Variants in LLGL1 observed in about 807,000 individuals in gnomAD.
The protein encoded by LLGL1 is lethal(2) giant larvae protein homolog 1.
A neutral mutation model predicts 110.6 loss-of-function variants in LLGL1; 58 were observed. The ratio of observed to expected loss-of-function variants is 0.52; its 90% CI spans 0.42 to 0.65. The LOEUF is 0.65. LLGL1 is among the 30% of genes least tolerant of loss of function. The pLI is 0.00. For missense variants in LLGL1, 1,229 were observed against 1,462.1 expected (o/e 0.84, Z 2.60); for synonymous variants, 674 against 607.2 (o/e 1.11, Z -1.62).
At chr17:18,228,328 G>A (rs937432211) in intron 1 of LLGL1, among the ~76,000 whole-genome samples, 3 of 152,194 alleles carry the variant, frequency 2.0e-5, no homozygotes, top group East Asian at 1.9e-4. Context: ...GAGGAAGTGC[G>A]TTCCAGGCAG....
intron 1 of LLGL1, among the ~76,000 whole-genome samples, chr17:18,229,200 G>A (rs1210252008): frequency 1.3e-5 from 2 of 152,112 alleles, no homozygotes; most frequent in African/African-American, 2.4e-5. Flanking sequence ...CAGAAAGGGT[G>A]TGCTGTGAAA....
intron 11 of LLGL1, 51 bp from the exon 12 acceptor site, chr17:18,236,556 G>C (rs540162098): frequency 6.4e-7 from 1 of 1,561,058 alleles, no homozygotes; most frequent in African/African-American, 1.3e-5. Flanking sequence ...ATGGAGGGGC[G>C]TGCAGGCCTC....
At position 18,240,632 on chromosome 17, in the gene LLGL1, C is replaced by T. The variant is rs376499580; in HGVS notation, c.2261C>T (p.Ala754Val). 4.3e-6 allele frequency: 7 copies of T among 1,612,580 alleles called. No individual in the cohort carries two copies. Among genetic ancestry groups the T allele is most frequent in the Non-Finnish European group, 5.1e-6 (6 of 1,179,600 alleles). Residue 754 changes from alanine (A) to valine (V), a missense_variant, in exon 17 of 23, where the codon GCC becomes GTC. Physicochemically the swap from Ala to Val is moderately conservative, Grantham distance 64. Transcript: ENST00000316843. This position sits in a 1 kb window ranked among gnomAD's most constrained non-coding sequence, Gnocchi z 5.3. ...GGCACCAACTCAGGCTCTGTGTTCG[C>T]CTATGCACTGGAGGTGCCGGCAGCA... Reference protein sequence around the residue: ...WAGTNSGSVFAYALEVPAAAV... With the variant: ...WAGTNSGSVFVYALEVPAAAV...
In LLGL1 at chr17:18,229,923, G is replaced by A. The variant is rs755402220; in HGVS notation, c.82-18G>A. The A allele has an allele frequency of 1.9e-6, 3 of 1,583,706 alleles. No individual in the cohort carries two copies. The highest frequency in any genetic ancestry group is 2.6e-6 in the Non-Finnish European group (3 of 1,163,534). ...TGCCTGGGAGTGCTTACCCCCAGCA[G>A]CCCTCCCCTCCTTGCAGACTGTGGA... On this transcript the variant is annotated intron_variant, in intron 1 of 22. Transcript: ENST00000316843.
In LLGL1 at chr17:18,235,098, A is replaced by AC; in HGVS notation, c.1075dup (p.Gln359ProfsTer95). ...TCCCTCCGTCCCACAGAATTTGATG[A>AC]CCCCCAGGCCCTGGCTGTGCTGCTG... On this transcript the variant is annotated frameshift_variant, in exon 10 of 23. Coordinates refer to ENST00000316843, the MANE Select transcript of LLGL1 (RefSeq NM_004140.4). LOFTEE classifies it high-confidence loss of function. 6.2e-7 allele frequency: 1 copy of AC among 1,613,082 alleles called. No individual in the cohort carries two copies. The highest frequency in any genetic ancestry group is 8.5e-7 in the Non-Finnish European group (1 of 1,179,844).
chr17:18,227,801 C>G (rs748371169), intron 1 of LLGL1, among the ~76,000 whole-genome samples: 15 of 152,148 alleles, frequency 9.9e-5, no homozygotes, highest in Non-Finnish European at 2.2e-4. Context: ...AAAGTAAGGG[C>G]CCTCCGCTGA....
At position 18,241,573 on chromosome 17, in the gene LLGL1, G is replaced by C; in HGVS notation, c.2625G>C (p.Glu875Asp). The change falls in exon 18 of 23, where the codon GAG (glutamate) becomes GAC (aspartate). Residue 875 changes from glutamate to aspartate, a missense_variant. Glu to Asp is a conservative substitution (Grantham distance 45, BLOSUM62 2). Coordinates refer to ENST00000316843, the MANE Select transcript of LLGL1 (RefSeq NM_004140.4). ...FASVACEDYA[E>D]TCLACLTNLG... ...GTGTGGCCTGCGAGGACTATGCTGA[G>C]ACCTGCCTGGCCTGCCTCACCAACC... 1 of 1,613,794 alleles carries C rather than the reference G, an allele frequency of 6.2e-7. No homozygotes were observed. Among genetic ancestry groups the C allele is most frequent in the Non-Finnish European group, 8.5e-7 (1 of 1,180,014 alleles).
rs571150356 is a variant in LLGL1 at position 18,235,877 on chromosome 17, G to A, written c.1352+340G>A. 39 of 307,840 alleles carry A rather than the reference G, an allele frequency of 1.3e-4. 1 individual carries two copies. The South Asian group carries it at 1.4e-3, about 11-fold the overall frequency. 19.1% of individuals were successfully genotyped at this position (307,840 alleles called of 1,614,324 possible). The stretch of plus-strand genomic sequence containing the variant: ...CAGCGTGGGCCTGGCGGGCGCTGAC[G>A]TGCCCAGTGACTCAGGTCTCAACTT... On this transcript the variant is annotated intron_variant, in intron 11 of 22. Coordinates refer to ENST00000316843, the MANE Select transcript of LLGL1 (RefSeq NM_004140.4).
At position 18,241,936 on chromosome 17, in the gene LLGL1, G is replaced by A. The variant is rs367698200; in HGVS notation, c.2819G>A (p.Arg940Gln). ...SEFERFSLSA[R>Q]NITEPLCSLD... ...TTTGAACGCTTCTCCCTAAGTGCCCGGAACATCACAGAGCCGCTCTGCTCT... is the reference window on the plus strand; with the variant it reads ...TTTGAACGCTTCTCCCTAAGTGCCCAGAACATCACAGAGCCGCTCTGCTCT... Residue 940 changes from arginine to glutamine, a missense_variant, in exon 19 of 23, where the codon CGG (arginine) becomes CAG (glutamine). Physicochemically the swap from Arg to Gln is conservative, Grantham distance 43 (BLOSUM62 1). Coordinates refer to ENST00000316843, the MANE Select transcript of LLGL1 (RefSeq NM_004140.4). 25 of 1,614,040 alleles carry A rather than the reference G, an allele frequency of 1.5e-5. No individual in the cohort carries two copies. Among genetic ancestry groups the A allele is most frequent in the African/African-American group, 6.7e-5 (5 of 74,916 alleles).
intron 7 of LLGL1, 27 bp from the exon 8 acceptor site, chr17:18,234,622 C>G: frequency 3.1e-6 from 5 of 1,613,692 alleles, no homozygotes; most frequent in Non-Finnish European, 4.2e-6. Flanking sequence ...ACCAGTGAGT[C>G]TGGTCTGACG....
intron 2 of LLGL1, among the ~76,000 whole-genome samples, chr17:18,231,405 G>A (rs1240107640): frequency 6.6e-6 from 1 of 152,184 alleles, no homozygotes; most frequent in Non-Finnish European, 1.5e-5. Context: ...TCCAGGCAAC[G>A]GCTCCTGTGT....
intron 11 of LLGL1, 85 bp downstream of exon 11, chr17:18,235,622 A>G: frequency 7.3e-7 from 1 of 1,364,762 alleles, no homozygotes; most frequent in African/African-American, 1.4e-5. Flanking sequence ...CAGAGGTGCC[A>G]GGAGACTCAG....
chr17:18,235,517 G>A lies in LLGL1; in HGVS notation c.1332G>A (p.Gln444=). 1 of 1,613,948 alleles carries A rather than the reference G, an allele frequency of 6.2e-7. No individual in the cohort carries two copies. The highest frequency in any genetic ancestry group is 8.5e-7 in the Non-Finnish European group (1 of 1,179,986). The change falls in exon 11 of 23, where the codon CAG becomes CAA. Residue 444 remains glutamine, a synonymous_variant. Coordinates refer to ENST00000316843, the MANE Select transcript of LLGL1 (RefSeq NM_004140.4). ...GAAACCTGGCCCAGGAGCCGTCACAGCGAGGGCTGCTGCTGACGGGGTAGG... is the reference window on the plus strand; with the variant it reads ...GAAACCTGGCCCAGGAGCCGTCACAACGAGGGCTGCTGCTGACGGGGTAGG... ...GGRNLAQEPS[Q]RGLLLTGHED...
chr17:18,244,847 G>A lies in LLGL1; in HGVS notation c.*941G>A, dbSNP rs1012116012. On this transcript the variant is annotated 3_prime_UTR_variant, in exon 23 of 23. Transcript: ENST00000316843. ...ATTAAAAATACTGATTTTTAATATT[G>A]AAAATAAAAGCATTTAATATCTCTT... 1.8e-5 allele frequency: 7 copies of A among 387,976 alleles called. No individual in the cohort carries two copies. The highest frequency in any genetic ancestry group is 7.3e-5 in the East Asian group (2 of 27,330). 24.0% of individuals were successfully genotyped at this position (387,976 alleles called of 1,614,324 possible).
rs547582063 is a variant in LLGL1 at position 18,226,303 on chromosome 17, C to T, written c.81+540C>T. ...GTCTCTCGACCTCTGTCGCTCACTT[C>T]TGTCTCTTTATCCTTTTTCTTAGGG... On this transcript the variant is annotated intron_variant, in intron 1 of 22. Coordinates refer to ENST00000316843, the MANE Select transcript of LLGL1 (RefSeq NM_004140.4). Among the ~76,000 whole-genome samples the T allele has an allele frequency of 2.0e-5, 3 of 152,340 alleles. No individual in the cohort carries two copies. In the East Asian group the frequency reaches 5.8e-4, roughly 29 times the overall value.
intron 8 of LLGL1, 43 bp downstream of exon 8, chr17:18,234,746 TA>T: frequency 6.2e-7 from 1 of 1,613,854 alleles, no homozygotes; most frequent in Non-Finnish European, 8.5e-7. Flanking sequence ...TGGGTCTGGC[TA>T]GGGGGCTGGA....
In LLGL1 at chr17:18,240,767, GT is replaced by G. The variant is rs2047811643; in HGVS notation, c.2397del (p.Gly800AlafsTer42). ...PVVAIAVLDG[R>X]GRPLPEPYEA... Reference sequence around the variant, plus strand: ...GTGGCCATTGCCGTGTTGGACGGGCGTGGCCGCCCACTGCCCGAGCCCTACG... The same window carrying G: ...GTGGCCATTGCCGTGTTGGACGGGCGGGCCGCCCACTGCCCGAGCCCTACG... On this transcript the variant is annotated frameshift_variant, in exon 17 of 23. Transcript: ENST00000316843. LOFTEE classifies it high-confidence loss of function. This position sits in a 1 kb window ranked among gnomAD's most constrained non-coding sequence, Gnocchi z 5.3. 1 of 1,607,770 alleles carries G rather than the reference GT, an allele frequency of 6.2e-7. No individual in the cohort carries two copies. The highest frequency in any genetic ancestry group is 1.3e-5 in the African/African-American group (1 of 74,754).
At chr17:18,241,042 C>T (rs772299605) in intron 17 of LLGL1, 169 bp downstream of exon 17, 1 of 738,342 alleles carries the variant, frequency 1.4e-6, no homozygotes, top group Non-Finnish European at 2.1e-6. Flanking sequence ...AACTCCTACC[C>T]AAGAACCCTG....
At chr17:18,237,312 CT>C (rs1446964081) in intron 13 of LLGL1, 168 bp from the exon 14 acceptor site, 1 of 675,446 alleles carries the variant, frequency 1.5e-6, no homozygotes. Context: ...CAGCCAGGGC[CT>C]TGGTATACAG....
Sources: allele counts gnomAD v4.1 joint callset (sites outside exome capture counted in the v4.1 genomes callset), GRCh38; gene constraint gnomAD v4.1.1; non-coding constraint Gnocchi (gnomAD v3.1); transcripts MANE v1.5; gene names NCBI Gene and HGNC (gene_info 2026-07-23, HGNC 2026-07-21).